MOGAT1: variants seen among roughly 807,000 people sequenced by gnomAD.
MOGAT1 encodes monoacylglycerol O-acyltransferase 1, also known as 2-acylglycerol O-acyltransferase 1.
In MOGAT1, 32 loss-of-function variants were observed where a neutral mutation model predicts 31.4. The observed-to-expected ratio is 1.02, with a 90% confidence interval of 0.77 to 1.37. MOGAT1 has a LOEUF of 1.37. Ranked by LOEUF, MOGAT1 falls within the 40% of genes most tolerant of loss-of-function variation. The pLI, the probability that MOGAT1 is intolerant of heterozygous loss-of-function variation, is 0.00. For synonymous variants in MOGAT1, 145 were observed against 144.5 expected, an observed-to-expected ratio of 1.00 and a Z score of -0.03; for missense variants, 426 against 402.0, an observed-to-expected ratio of 1.06 and a Z score of -0.51.
chr2:222,701,412 GAA>G (rs1299846009), intron 5 of MOGAT1, among the ~76,000 whole-genome samples: 9 of 136,744 alleles, frequency 6.6e-5, no homozygotes, highest in African/African-American at 2.5e-4. Context: ...GAGAGAGAGA[GAA>G]AAATAAAGAA....
chr2:222,706,471 T>A (rs1211396635), intron 5 of MOGAT1, among the ~76,000 whole-genome samples: 50 of 139,762 alleles, frequency 3.6e-4, no homozygotes, highest in South Asian at 7.0e-4. Context: ...AAACTCTGTA[T>A]AAAAAAAAAA....
chr2:222,674,142 G>A (rs994096926), intron 1 of MOGAT1, among the ~76,000 whole-genome samples: 11 of 152,216 alleles, frequency 7.2e-5, no homozygotes, highest in African/African-American at 2.7e-4. Flanking sequence ...GACCGCATGT[G>A]AGTGGATTAG....
At chr2:222,676,069 T>C (rs532278725) in intron 1 of MOGAT1, among the ~76,000 whole-genome samples, 3 of 152,220 alleles carry the variant, frequency 2.0e-5, no homozygotes, top group South Asian at 2.1e-4. Flanking sequence ...AGTAGCAAAA[T>C]GTTTCATTTA....
chr2:222,701,725 C>T (rs1692933245), intron 5 of MOGAT1, among the ~76,000 whole-genome samples: 1 of 151,978 alleles, frequency 6.6e-6, no homozygotes, highest in South Asian at 2.1e-4. Context: ...TTCTTTCCAT[C>T]CATAGGCGTG....
chr2:222,689,618 TC>T, intron 3 of MOGAT1, 149 bp downstream of exon 3: 1 of 694,068 alleles, frequency 1.4e-6, no homozygotes, highest in Non-Finnish European at 2.4e-6. Context: ...TCTGGGTGTT[TC>T]CTGCCCTCCC....
chr2:222,679,512 C>T (rs1308342647), intron 1 of MOGAT1, among the ~76,000 whole-genome samples: 1 of 152,170 alleles, frequency 6.6e-6, no homozygotes, highest in Non-Finnish European at 1.5e-5. Flanking sequence ...ACTAACTGAA[C>T]TGATTACAGT....
At chr2:222,677,738 G>T (rs190074713) in intron 1 of MOGAT1, 23 of 388,244 alleles carry the variant, frequency 5.9e-5, no homozygotes, top group South Asian at 1.6e-4. Flanking sequence ...GGTGAAGAAG[G>T]AAGTTACTGC....
intron 3 of MOGAT1, among the ~76,000 whole-genome samples, chr2:222,689,860 A>G (rs1490639712): frequency 1.3e-5 from 2 of 152,274 alleles, no homozygotes; most frequent in Non-Finnish European, 2.9e-5. Context: ...CGAATACTAG[A>G]AATGGAAAAT....
chr2:222,675,798 T>A (rs1221489960), intron 1 of MOGAT1, among the ~76,000 whole-genome samples: 1 of 151,900 alleles, frequency 6.6e-6, no homozygotes, highest in African/African-American at 2.4e-5. Flanking sequence ...ATTTCTGCAG[T>A]TAAAAATTTT....
chr2:222,676,279 G>A (rs558833259), intron 1 of MOGAT1, among the ~76,000 whole-genome samples: 1 of 151,668 alleles, frequency 6.6e-6, no homozygotes, highest in South Asian at 2.1e-4. Context: ...GAGCCACACT[G>A]TGCCTGATCT....
intron 3 of MOGAT1, 92 bp from the exon 4 acceptor site, chr2:222,694,270 T>A: frequency 8.0e-7 from 1 of 1,242,660 alleles, no homozygotes; most frequent in Non-Finnish European, 1.1e-6. Flanking sequence ...GAAATTTTGT[T>A]AAATGTTTAC....
chr2:222,684,402 T>C (rs1692630535), intron 1 of MOGAT1, among the ~76,000 whole-genome samples: 2 of 150,820 alleles, frequency 1.3e-5, no homozygotes, highest in Non-Finnish European at 2.9e-5. Flanking sequence ...TGAGACTCTG[T>C]CTCAAAAAAA....
At chr2:222,691,989 A>G (rs1380636251) in intron 3 of MOGAT1, among the ~76,000 whole-genome samples, 1 of 152,260 alleles carries the variant, frequency 6.6e-6, no homozygotes, top group Non-Finnish European at 1.5e-5. Flanking sequence ...GACAGGTAAC[A>G]GAATCAGATC....
chr2:222,701,214 C>T (rs113041464), intron 5 of MOGAT1, among the ~76,000 whole-genome samples: 7,011 of 150,616 alleles, frequency 0.047, 347 homozygotes, highest in African/African-American at 0.13. Context: ...GAGCGGAGAT[C>T]GTGCCACTGC....
At position 222,688,442 on chromosome 2, in the gene MOGAT1, C is replaced by T. The variant is rs190832338; in HGVS notation, c.193C>T (p.Pro65Ser). ...GTGGCTTTACTTTGACTGGCATACC[C>T]CAGAGCGAGGAGGCAGGAGATCCAG... ...LMWLYFDWHT[P>S]ERGGRRSSWI... The change falls in exon 2 of 6, where the codon CCA (proline) becomes TCA (serine). Residue 65 changes from proline (P) to serine (S), a missense_variant. By Grantham distance (74) the Pro-to-Ser change is moderately conservative. Transcript: ENST00000446656. 17 of 1,613,764 alleles carry T rather than the reference C, an allele frequency of 1.1e-5. No homozygotes were observed. Among genetic ancestry groups the T allele is most frequent in the Non-Finnish European group, 6.8e-6 (8 of 1,179,802 alleles).
intron 5 of MOGAT1, among the ~76,000 whole-genome samples, chr2:222,700,384 C>T (rs1051319779): frequency 1.5e-4 from 23 of 152,178 alleles, no homozygotes; most frequent in Non-Finnish European, 2.8e-4. Context: ...ACTGTATTAA[C>T]TTGTTTTCAC....
At chr2:222,708,708 A>G (rs902237642) in intron 5 of MOGAT1, among the ~76,000 whole-genome samples, 8 of 152,214 alleles carry the variant, frequency 5.3e-5, no homozygotes, top group African/African-American at 1.7e-4. Context: ...TGCACTAAAA[A>G]CGTATAATAC....
intron 5 of MOGAT1, among the ~76,000 whole-genome samples, chr2:222,705,429 G>A (rs1389600659): frequency 6.6e-6 from 1 of 152,162 alleles, no homozygotes; most frequent in African/African-American, 2.4e-5. Flanking sequence ...ATAGGGCTAG[G>A]ATTTGAAGCA....
intron 5 of MOGAT1, among the ~76,000 whole-genome samples, chr2:222,702,464 G>A (rs965079597): frequency 6.6e-6 from 1 of 152,112 alleles, no homozygotes; most frequent in African/African-American, 2.4e-5. Context: ...AATCATTGAT[G>A]TCCACAACTT....
Sources: allele counts gnomAD v4.1 joint callset (sites outside exome capture counted in the v4.1 genomes callset), GRCh38; gene constraint gnomAD v4.1.1; transcripts MANE v1.5; gene names NCBI Gene and HGNC (gene_info 2026-07-23, HGNC 2026-07-21).